The following ITGAM variants were observed in gnomAD, a reference collection of about 807,000 sequenced individuals.
ITGAM encodes integrin alpha-M.
ITGAM carries 79 observed loss-of-function variants against 137.5 expected under a neutral mutation model. The ratio of observed to expected loss-of-function variants is 0.57; its 90% CI spans 0.48 to 0.69. The LOEUF is 0.69. ITGAM is among the 30% of genes least tolerant of loss of function. The pLI, the probability that ITGAM is intolerant of heterozygous loss-of-function variation, is 0.00. For synonymous variants in ITGAM, 583 were observed against 592.3 expected, an observed-to-expected ratio of 0.98 and a Z score of 0.23; for missense variants, 1,343 against 1,483.5, an observed-to-expected ratio of 0.91 and a Z score of 1.56.
At chr16:31,293,437 G>A (rs1448503454) in intron 12 of ITGAM, among the ~76,000 whole-genome samples, 1 of 152,118 alleles carries the variant, frequency 6.6e-6, no homozygotes, top group Non-Finnish European at 1.5e-5. Flanking sequence ...TGTAAGGAAG[G>A]GGTCCAGTTT....
intron 14 of ITGAM, among the ~76,000 whole-genome samples, chr16:31,302,980 CTTTCT>C (rs1201005512): frequency 2.4e-5 from 2 of 82,130 alleles, no homozygotes; most frequent in African/African-American, 1.0e-4. Context: ...TTCTTTCTTT[CTTTCT>C]TTCTTTCTTT....
intron 14 of ITGAM, among the ~76,000 whole-genome samples, chr16:31,299,260 C>G (rs1026367710): frequency 6.6e-6 from 1 of 152,072 alleles, no homozygotes; most frequent in Non-Finnish European, 1.5e-5. Context: ...TGTTCTCTAG[C>G]CTCTGGCAGC....
chr16:31,271,498 G>T (rs9934269), intron 6 of ITGAM, among the ~76,000 whole-genome samples: 2 of 152,138 alleles, frequency 1.3e-5, no homozygotes, highest in Admixed American at 1.3e-4. Flanking sequence ...GATTACAGGC[G>T]CATGCCACCA....
intron 12 of ITGAM, among the ~76,000 whole-genome samples, chr16:31,292,827 G>A (rs2080100056): frequency 6.6e-6 from 1 of 152,052 alleles, no homozygotes; most frequent in Non-Finnish European, 1.5e-5. Flanking sequence ...TTAGCTCTTT[G>A]AGGAGTTGCC....
At chr16:31,298,204 C>A (rs1489373045) in intron 14 of ITGAM, among the ~76,000 whole-genome samples, 4 of 77,826 alleles carry the variant, frequency 5.1e-5, no homozygotes, top group African/African-American at 1.0e-4. Flanking sequence ...CCCATCTCTC[C>A]AAAAAAAAAA....
At chr16:31,311,013 G>A (rs58827327) in intron 14 of ITGAM, among the ~76,000 whole-genome samples, 22,354 of 152,052 alleles carry the variant, frequency 0.15, 1,849 homozygotes, top group African/African-American at 0.2. Context: ...TGACAAACCT[G>A]ACAAAAAGAA....
chr16:31,285,100 TG>T, intron 12 of ITGAM, among the ~76,000 whole-genome samples: 1 of 152,122 alleles, frequency 6.6e-6, no homozygotes, highest in African/African-American at 2.4e-5. Flanking sequence ...GAGGGGGTCG[TG>T]ATCGATTGAG....
In ITGAM at chr16:31,297,654, G is replaced by A. The variant is rs747024431; in HGVS notation, c.1497G>A (p.Gly499=). The A allele has an allele frequency of 6.2e-7, 1 of 1,612,292 alleles. No individual in the cohort carries two copies. The highest frequency in any genetic ancestry group is 8.5e-7 in the Non-Finnish European group (1 of 1,179,412). ...GQVSVCPLPR[G]RARWQCDAVL... ...TGTCCGTGTGCCCCTTGCCCAGGGG[G>A]GTGAGTGGCAATGGGACCTGGGCTG... The change falls in exon 13 of 30, where the codon GGG becomes GGA. Residue 499 remains glycine (G), a splice_region_variant and synonymous_variant. Coordinates refer to ENST00000544665, the MANE Select transcript of ITGAM (RefSeq NM_000632.4).
Position 31,330,542 on chromosome 16 carries a change from G to A in ITGAM, c.3213G>A (p.Glu1071=). The A allele has an allele frequency of 2.5e-6, 4 of 1,613,698 alleles. No individual in the cohort carries two copies. Among genetic ancestry groups the A allele is most frequent in the Non-Finnish European group, 3.4e-6 (4 of 1,179,678 alleles). ...HNHLLIVSTA[E]ILFNDSVFTL... Reference sequence around the variant, plus strand: ...ACCTCCTGATCGTGAGCACAGCTGAGATCTTGTTTAACGATTCCGTGTTCA... The same window carrying A: ...ACCTCCTGATCGTGAGCACAGCTGAAATCTTGTTTAACGATTCCGTGTTCA... Residue 1071 remains glutamate (E), a synonymous_variant, in exon 28 of 30, where the codon GAG becomes GAA. Transcript: ENST00000544665.
intron 14 of ITGAM, among the ~76,000 whole-genome samples, chr16:31,317,927 A>G (rs932579719): frequency 1.3e-5 from 2 of 152,176 alleles, no homozygotes; most frequent in Non-Finnish European, 2.9e-5. Context: ...CTTGCCTCAT[A>G]CAATAAGTTT....
Position 31,260,076 on chromosome 16 carries a change from A to C in ITGAM, c.12A>C (p.Arg4Ser). The change falls in exon 1 of 30, where the codon AGA becomes AGC. Residue 4 changes from arginine (R) to serine (S), a missense_variant. By Grantham distance (110) the Arg-to-Ser change is moderately radical. Transcript: ENST00000544665. ...GGCTCCTTCCAGCCATGGCTCTCAG[A>C]GTCCTTCTGTTAACAGGTGCATGGG... MAL[R>S]VLLLTALTLC... 7.9e-7 allele frequency: 1 copy of C among 1,271,970 alleles called. No homozygotes were observed. The highest frequency in any genetic ancestry group is 1.0e-6 in the Non-Finnish European group (1 of 968,384). The allele number at this position is 1,271,970 out of a possible 1,614,324, so 78.8% of individuals were successfully genotyped here. A position where few individuals can be genotyped will look rare whatever the true frequency, so the allele number is the denominator to read the frequency against.
intron 14 of ITGAM, among the ~76,000 whole-genome samples, chr16:31,302,378 CT>C (rs1223323905): frequency 6.7e-6 from 1 of 149,656 alleles, no homozygotes; most frequent in Non-Finnish European, 1.5e-5. Context: ...TTTTTTCTTT[CT>C]TTTCTTTTCT....
intron 23 of ITGAM, 117 bp from the exon 24 acceptor site, chr16:31,329,111 C>T (rs1253644090): frequency 4.3e-6 from 3 of 699,122 alleles, no homozygotes; most frequent in Non-Finnish European, 7.9e-6. Context: ...CTCCACCCCC[C>T]AGGACTTCAT....
chr16:31,270,871 G>C, intron 5 of ITGAM, 83 bp from the exon 6 acceptor site: 1 of 874,688 alleles, frequency 1.1e-6, no homozygotes, highest in Non-Finnish European at 1.6e-6. Context: ...TATTCTCATT[G>C]TTCAGCAGAG....
intron 1 of ITGAM, among the ~76,000 whole-genome samples, chr16:31,260,317 T>C (rs2079685015): frequency 6.6e-6 from 1 of 152,118 alleles, no homozygotes; most frequent in African/African-American, 2.4e-5. Context: ...GCAAGGCTGC[T>C]TGCCGGTCCC....
intron 10 of ITGAM, 86 bp downstream of exon 10, chr16:31,276,830 T>C: frequency 6.3e-7 from 1 of 1,582,572 alleles, no homozygotes; most frequent in East Asian, 2.3e-5. Flanking sequence ...GGGACTCTTC[T>C]CTGTGATAGA....
In ITGAM at chr16:31,271,090, G is replaced by A; in HGVS notation, c.558+6G>A. On this transcript the variant is annotated splice_donor_region_variant and intron_variant, in intron 6 of 29. Coordinates refer to ENST00000544665, the MANE Select transcript of ITGAM (RefSeq NM_000632.4). ...TAAAAAAGTCCAAAACCTTGGTGAG[G>A]GCCCAGGGGTAGGTTAGGGAAGAGC... 6.4e-7 allele frequency: 1 copy of A among 1,555,622 alleles called. No homozygotes were observed. Among genetic ancestry groups the A allele is most frequent in the Non-Finnish European group, 8.7e-7 (1 of 1,144,810 alleles).
At chr16:31,271,730 C>A in intron 6 of ITGAM, 117 bp from the exon 7 acceptor site, 1 of 1,234,452 alleles carries the variant, frequency 8.1e-7, no homozygotes, top group Middle Eastern at 2.7e-4. Context: ...GGATTAGGGG[C>A]AGCACAGAGG....
chr16:31,331,270 T>G lies in ITGAM; in HGVS notation c.3382T>G (p.Tyr1128Asp). 6.2e-7 allele frequency: 1 copy of G among 1,601,038 alleles called. No homozygotes were observed. The highest frequency in any genetic ancestry group is 8.5e-7 in the Non-Finnish European group (1 of 1,169,952). ...LLLALITAALYKLGFFKRQYK... is the reference protein window; with the variant it reads ...LLLALITAALDKLGFFKRQYK... Reference sequence around the variant, plus strand: ...CCTGGCCCTCATCACCGCCGCGCTGTACAAGGTGCTCCCCGCTGCTCCCCC... The same window carrying G: ...CCTGGCCCTCATCACCGCCGCGCTGGACAAGGTGCTCCCCGCTGCTCCCCC... The change falls in exon 29 of 30, where the codon TAC becomes GAC. Residue 1128 changes from tyrosine to aspartate, a missense_variant. By Grantham distance (160) the Tyr-to-Asp change is radical (BLOSUM62 -3). Transcript: ENST00000544665.
Sources: allele counts gnomAD v4.1 joint callset (sites outside exome capture counted in the v4.1 genomes callset), GRCh38; gene constraint gnomAD v4.1.1; transcripts MANE v1.5; gene names NCBI Gene and HGNC (gene_info 2026-07-23, HGNC 2026-07-21).